The following MEGF10 variants were observed in gnomAD, a reference collection of about 807,000 sequenced individuals.
MEGF10 encodes multiple EGF like domains 10.
In MEGF10, 86 loss-of-function variants were observed where a neutral mutation model predicts 147.5. The ratio of observed to expected loss-of-function variants is 0.58; its 90% CI spans 0.49 to 0.70. The LOEUF is 0.70. Ranked by LOEUF, MEGF10 falls within the 30% of genes least tolerant of loss-of-function variation. The pLI is 0.00. For synonymous variants in MEGF10, 478 were observed against 525.5 expected (o/e 0.91, Z 1.24); for missense variants, 1,329 against 1,487.3 (o/e 0.89, Z 1.75).
At chr5:127,300,652 A>G (rs1759725808) in intron 1 of MEGF10, among the ~76,000 whole-genome samples, 1 of 152,176 alleles carries the variant, frequency 6.6e-6, no homozygotes, top group Non-Finnish European at 1.5e-5. Flanking sequence ...TTAAAGCCCC[A>G]TGTTTAATGT....
chr5:127,457,700 T>G lies in MEGF10; in HGVS notation c.*382T>G, dbSNP rs1344201719. The G allele has an allele frequency of 4.4e-6, 1 of 224,762 alleles. No individual in the cohort carries two copies. Among genetic ancestry groups the G allele is most frequent in the Non-Finnish European group, 8.9e-6 (1 of 112,636 alleles). The allele number at this position is 224,762 out of a possible 1,614,324, so 13.9% of individuals were successfully genotyped here. The stretch of plus-strand genomic sequence containing the variant: ...TTCTCTCTCATTTGCATCATACAGC[T>G]CTACCTAGGATTGTACAGTTTACCA... On this transcript the variant is annotated 3_prime_UTR_variant, in exon 25 of 25. Coordinates refer to ENST00000503335, the MANE Select transcript of MEGF10 (RefSeq NM_001256545.2).
At position 127,434,775 on chromosome 5, in the gene MEGF10, C is replaced by T; in HGVS notation, c.1929C>T (p.Gly643=). ...GCGGGCCCTGCCACCACATCACCGG[C>T]CTGTGTGACTGCTTGCCTGGCTTCA... ...HSSGPCHHIT[G]LCDCLPGFTG... The change falls in exon 15 of 25, where the codon GGC becomes GGT. Residue 643 remains glycine (G), a synonymous_variant. Coordinates refer to ENST00000503335, the MANE Select transcript of MEGF10 (RefSeq NM_001256545.2). The T allele has an allele frequency of 6.2e-7, 1 of 1,613,834 alleles. No homozygotes were observed. Among genetic ancestry groups the T allele is most frequent in the South Asian group, 1.1e-5 (1 of 91,078 alleles).
Position 127,455,627 on chromosome 5 carries a change from G to T in MEGF10, c.3232+20G>T. The T allele has an allele frequency of 6.2e-7, 1 of 1,607,532 alleles. No homozygotes were observed. Among genetic ancestry groups the T allele is most frequent in the South Asian group, 1.1e-5 (1 of 90,338 alleles). The stretch of plus-strand genomic sequence containing the variant: ...AAGTTGGTGAGTTCCCTTAACCATA[G>T]AAAGAACCGAGTGCTTAAGTTTTTA... On this transcript the variant is annotated intron_variant, in intron 24 of 24. Coordinates refer to ENST00000503335, the MANE Select transcript of MEGF10 (RefSeq NM_001256545.2).
the MEGF10 span, among the ~76,000 whole-genome samples, chr5:127,266,663 A>AT: frequency 1.3e-5 from 2 of 151,880 alleles, no homozygotes; most frequent in Non-Finnish European, 2.9e-5. Context: ...ATTCCTAGGT[A>AT]TTTTTTTCTC....
chr5:127,459,715 A>T lies in MEGF10; in HGVS notation c.*2397A>T, dbSNP rs1227405046. On this transcript the variant is annotated 3_prime_UTR_variant, in exon 25 of 25. Transcript: ENST00000503335. Reference sequence around the variant, plus strand: ...TCCTGTGTGCTCTTTTTGACAAGTAAATCACTCCAGTTAGCTGATGTCCTG... The same window carrying T: ...TCCTGTGTGCTCTTTTTGACAAGTATATCACTCCAGTTAGCTGATGTCCTG... 6.6e-6 allele frequency: 1 copy of T among 152,216 alleles called. No homozygotes were observed. The highest frequency in any genetic ancestry group is 2.4e-5 in the African/African-American group (1 of 41,462). The allele number at this position is 152,216 out of a possible 1,614,324, so 9.4% of individuals were successfully genotyped here.
chr5:127,364,683 T>C (rs1762592573), intron 4 of MEGF10, among the ~76,000 whole-genome samples: 1 of 152,236 alleles, frequency 6.6e-6, no homozygotes, highest in African/African-American at 2.4e-5. Flanking sequence ...GTAATTGTCC[T>C]CAGATAAAAG....
At chr5:127,361,716 G>A (rs990162227) in intron 4 of MEGF10, among the ~76,000 whole-genome samples, 1 of 152,024 alleles carries the variant, frequency 6.6e-6, no homozygotes, top group African/African-American at 2.4e-5. Flanking sequence ...TTGACATGTT[G>A]TGATTTTGTT....
intron 1 of MEGF10, among the ~76,000 whole-genome samples, chr5:127,326,634 G>A (rs1336057532): frequency 6.6e-6 from 1 of 152,156 alleles, no homozygotes; most frequent in Non-Finnish European, 1.5e-5. Flanking sequence ...CACTGCCTCT[G>A]CCGGCCTTTC....
At chr5:127,433,260 C>T (rs942728676) in intron 13 of MEGF10, 103 bp from the exon 14 acceptor site, 19 of 1,369,918 alleles carry the variant, frequency 1.4e-5, no homozygotes, top group East Asian at 4.6e-5. Context: ...TGCTGGTGAT[C>T]CTCAGGTTTA....
intron 1 of MEGF10, among the ~76,000 whole-genome samples, chr5:127,301,282 C>A (rs1353494444): frequency 6.6e-6 from 1 of 152,138 alleles, no homozygotes; most frequent in Non-Finnish European, 1.5e-5. Flanking sequence ...ATCAGTGTGG[C>A]GCTGCATATA....
chr5:127,433,050 G>A (rs1218153244), intron 13 of MEGF10, among the ~76,000 whole-genome samples: 6 of 152,158 alleles, frequency 3.9e-5, no homozygotes, highest in Non-Finnish European at 8.8e-5. Flanking sequence ...AAAAGATATC[G>A]TATTGTTGAT....
At chr5:127,363,862 A>C (rs1213623278) in intron 4 of MEGF10, among the ~76,000 whole-genome samples, 2 of 152,182 alleles carry the variant, frequency 1.3e-5, no homozygotes, top group African/African-American at 4.8e-5. Flanking sequence ...ATTTATGGAC[A>C]TCACACATGT....
intron 1 of MEGF10, among the ~76,000 whole-genome samples, chr5:127,291,664 G>A (rs992644178): frequency 6.6e-6 from 1 of 152,060 alleles, no homozygotes; most frequent in African/African-American, 2.4e-5. Context: ...TGGGAGGGAC[G>A]GTTTTTCAAG....
chr5:127,420,193 G>A lies in MEGF10; in HGVS notation c.1576G>A (p.Glu526Lys), dbSNP rs752944860. Reference sequence around the variant, plus strand: ...ACCTGGATGGCGCGGGGAGAAATGCGAACTTCCCTGCCAGGTATGCACAAA... The same window carrying A: ...ACCTGGATGGCGCGGGGAGAAATGCAAACTTCCCTGCCAGGTATGCACAAA... ...CAPGWRGEKC[E>K]LPCQDGTYGL... Residue 526 changes from glutamate (E) to lysine (K), a missense_variant, in exon 12 of 25, where the codon GAA (glutamate) becomes AAA (lysine). Around this residue, in one of 3 missense-constraint regions of MEGF10, gnomAD observed 980 missense variants for 1,085.9 expected, o/e 0.90. Transcript: ENST00000503335. 3.7e-6 allele frequency: 6 copies of A among 1,614,088 alleles called. No individual in the cohort carries two copies. Among genetic ancestry groups the A allele is most frequent in the South Asian group, 1.1e-5 (1 of 91,066 alleles).
chr5:127,329,613 A>G (rs1278707960), intron 1 of MEGF10, among the ~76,000 whole-genome samples: 2 of 152,120 alleles, frequency 1.3e-5, no homozygotes, highest in East Asian at 1.9e-4. Context: ...CCCAAATATT[A>G]AAAACTTCTT....
At chr5:127,384,838 G>C (rs546416219) in intron 5 of MEGF10, among the ~76,000 whole-genome samples, 1 of 152,248 alleles carries the variant, frequency 6.6e-6, no homozygotes, top group African/African-American at 2.4e-5. Flanking sequence ...GGATGGAAAA[G>C]CTTTATGAAG....
intron 4 of MEGF10, among the ~76,000 whole-genome samples, chr5:127,351,229 T>G (rs1203285027): frequency 6.6e-6 from 1 of 152,188 alleles, no homozygotes; most frequent in African/African-American, 2.4e-5. Flanking sequence ...TGTAAAAAAC[T>G]GGAAAACAGA....
intron 1 of MEGF10, among the ~76,000 whole-genome samples, chr5:127,318,547 C>G (rs537008626): frequency 1.3e-5 from 2 of 152,064 alleles, no homozygotes; most frequent in Non-Finnish European, 2.9e-5. Context: ...GATGAAGTAG[C>G]CAGATGATAT....
the MEGF10 span, among the ~76,000 whole-genome samples, chr5:127,281,456 T>C: frequency 1.3e-5 from 2 of 152,224 alleles, no homozygotes; most frequent in African/African-American, 4.8e-5. Context: ...GTTTAAAAAG[T>C]TAAGTTTATA....
Sources: gnomAD v4.1 joint callset for allele counts (sites outside exome capture counted in the v4.1 genomes callset) on GRCh38, gnomAD v4.1.1 for gene constraint, gnomAD v4.1.1 regional missense constraint, MANE v1.5 for transcripts, NCBI Gene and HGNC (gene_info 2026-07-23, HGNC 2026-07-21) for gene names.